NFAT5: variants seen among roughly 807,000 people sequenced by gnomAD.
NFAT5 encodes the protein nuclear factor of activated T-cells 5.
In NFAT5, 31 loss-of-function variants were observed where a neutral mutation model predicts 166.5. The observed-to-expected ratio is 0.19, with a 90% CI of 0.14 to 0.25. The LOEUF is 0.25. Among genes scored for constraint, NFAT5 ranks in the 10% least tolerant of loss-of-function variants. The probability of loss-of-function intolerance (pLI) is 1.00; values close to 1 mark genes in which losing one functional copy is unlikely to be tolerated. For synonymous variants in NFAT5, 612 were observed against 639.7 expected, an observed-to-expected ratio of 0.96 and a Z score of 0.65; for missense variants, 1,449 against 1,821.8, an observed-to-expected ratio of 0.80 and a Z score of 3.72.
intron 2 of NFAT5, among the ~76,000 whole-genome samples, chr16:69,580,767 G>A (rs376231684): frequency 7.3e-5 from 11 of 151,682 alleles, no homozygotes; most frequent in Non-Finnish European, 2.9e-5. Context: ...GCCATTCTCC[G>A]GCCTCAGCCT....
chr16:69,617,645 C>T (rs2034015582), intron 2 of NFAT5, among the ~76,000 whole-genome samples: 2 of 151,878 alleles, frequency 1.3e-5, no homozygotes, highest in Admixed American at 1.3e-4. Context: ...CTTGCACCAC[C>T]TCACCTGGCT....
intron 1 of NFAT5, 32 bp from the exon 2 acceptor site, chr16:69,568,463 A>G (rs1567505789): frequency 1.2e-6 from 2 of 1,604,602 alleles, no homozygotes; most frequent in Non-Finnish European, 1.7e-6. Context: ...CATTCAGCAT[A>G]AAAAGTACCT....
chr16:69,571,319 A>G (rs2016425387), intron 2 of NFAT5, among the ~76,000 whole-genome samples: 2 of 151,566 alleles, frequency 1.3e-5, no homozygotes, highest in African/African-American at 4.9e-5. Context: ...AACAACAACA[A>G]ACAAACAAAC....
chr16:69,648,120 G>A (rs2035519430), intron 4 of NFAT5: 1 of 633,376 alleles, frequency 1.6e-6, no homozygotes, highest in African/African-American at 2.0e-5. Context: ...AGGTTGCAGT[G>A]AGCCGACATC....
At chr16:69,612,305 A>C (rs1266394954) in intron 2 of NFAT5, among the ~76,000 whole-genome samples, 1 of 152,232 alleles carries the variant, frequency 6.6e-6, no homozygotes, top group African/African-American at 2.4e-5. Flanking sequence ...TAGGAAATAG[A>C]TACAAAGATG....
chr16:69,685,174 A>T (rs1199461157), intron 11 of NFAT5: 1 of 116,280 alleles, frequency 8.6e-6, no homozygotes, highest in Non-Finnish European at 1.7e-5. Context: ...ATGTTTTTAT[A>T]TATATATATA....
At chr16:69,602,587 T>TC (rs748890329) in intron 2 of NFAT5, among the ~76,000 whole-genome samples, 34 of 148,646 alleles carry the variant, frequency 2.3e-4, no homozygotes, top group Non-Finnish European at 4.3e-4. Context: ...TTTCTTTCTT[T>TC]TTTTTTTTTT....
intron 7 of NFAT5, among the ~76,000 whole-genome samples, chr16:69,662,125 A>G (rs978118522): frequency 3.9e-5 from 6 of 152,194 alleles, no homozygotes; most frequent in African/African-American, 1.4e-4. Flanking sequence ...TAAAGATACT[A>G]TACTGCACAG....
intron 4 of NFAT5, chr16:69,648,555 A>T: frequency 5.1e-6 from 5 of 985,064 alleles, no homozygotes; most frequent in Non-Finnish European, 6.0e-6. Context: ...CATCTCTGCC[A>T]GTCACACTAC....
At chr16:69,671,845 G>A (rs2151674904) in intron 9 of NFAT5, among the ~76,000 whole-genome samples, 1 of 152,242 alleles carries the variant, frequency 6.6e-6, no homozygotes, top group South Asian at 2.1e-4. Context: ...TACCAAGCAG[G>A]GAAGCTCACC....
chr16:69,662,661 C>T (rs1207346882), intron 7 of NFAT5, among the ~76,000 whole-genome samples: 3 of 151,916 alleles, frequency 2.0e-5, no homozygotes, highest in African/African-American at 7.3e-5. Context: ...GGGGTTTCAC[C>T]GTGTTAGCCA....
At chr16:69,678,086 A>G (rs111506642) in intron 10 of NFAT5, among the ~76,000 whole-genome samples, 21 of 151,888 alleles carry the variant, frequency 1.4e-4, no homozygotes, top group African/African-American at 4.8e-4. Context: ...TGAACCTGGG[A>G]GGTACAGGTT....
intron 9 of NFAT5, among the ~76,000 whole-genome samples, chr16:69,674,223 A>G (rs1195070626): frequency 6.6e-6 from 1 of 150,462 alleles, no homozygotes; most frequent in Non-Finnish European, 1.5e-5. Context: ...AGCCTGGGCA[A>G]CAAGAGTGAA....
intron 2 of NFAT5, among the ~76,000 whole-genome samples, chr16:69,579,134 A>G (rs976507509): frequency 6.6e-6 from 1 of 152,124 alleles, no homozygotes; most frequent in African/African-American, 2.4e-5. Flanking sequence ...TCAGCCTCCC[A>G]AAGTACTGGG....
chr16:69,566,318 T>C lies in NFAT5; in HGVS notation c.17T>C (p.Ile6Thr). The change falls in exon 1 of 15, where the codon ATC (isoleucine) becomes ACC (threonine). Residue 6 changes from isoleucine (I) to threonine (T), a missense_variant. Ile to Thr is a moderately conservative substitution (Grantham distance 89, BLOSUM62 -1). Transcript: ENST00000349945. This position sits in a 1 kb window ranked among gnomAD's most constrained non-coding sequence, Gnocchi z 5.7. MPSDFISLLSADLDLE... is the reference protein window; with the variant it reads MPSDFTSLLSADLDLE... Reference sequence around the variant, plus strand: ...CGAGCTGCGATGCCCTCGGACTTCATCTCATTGCTCAGCGCGGACCTAGAC... The same window carrying C: ...CGAGCTGCGATGCCCTCGGACTTCACCTCATTGCTCAGCGCGGACCTAGAC... 6.2e-7 allele frequency: 1 copy of C among 1,607,278 alleles called. No homozygotes were observed. The highest frequency in any genetic ancestry group is 8.5e-7 in the Non-Finnish European group (1 of 1,177,866).
rs2035744787 is a variant in NFAT5, at chr16:69,653,158, CCTTT to C, written c.813-77_813-74del. On this transcript the variant is annotated intron_variant, in intron 4 of 14. Coordinates refer to ENST00000349945, the MANE Select transcript of NFAT5 (RefSeq NM_138713.4). ...ACTATTATTGCCAGTTCTGTTTCTT[CCTTT>C]GTCTTAATGGCTTTTTTTTTTTATC... 5 of 1,012,330 alleles carry C rather than the reference CCTTT, an allele frequency of 4.9e-6. No individual in the cohort carries two copies. In the Admixed American group the frequency reaches 1.3e-4, roughly 26 times the overall value. The allele number at this position is 1,012,330 out of a possible 1,614,324, so 62.7% of individuals were successfully genotyped here. A position where few individuals can be genotyped will look rare whatever the true frequency, so the allele number is the denominator to read the frequency against.
intron 5 of NFAT5, among the ~76,000 whole-genome samples, chr16:69,655,319 G>A (rs1224735187): frequency 6.6e-6 from 1 of 152,028 alleles, no homozygotes; most frequent in Non-Finnish European, 1.5e-5. Flanking sequence ...CTGAAGTACT[G>A]TGCATTCATT....
chr16:69,663,191 T>C (rs2036223455), intron 7 of NFAT5, among the ~76,000 whole-genome samples: 1 of 152,156 alleles, frequency 6.6e-6, no homozygotes, highest in Non-Finnish European at 1.5e-5. Flanking sequence ...CTTCCTTCTA[T>C]AGATACTCAG....
At chr16:69,636,431 T>G (rs2034970858) in intron 3 of NFAT5, among the ~76,000 whole-genome samples, 1 of 152,194 alleles carries the variant, frequency 6.6e-6, no homozygotes, top group Non-Finnish European at 1.5e-5. Flanking sequence ...GGACTCTGTG[T>G]GGGGTCTCCA....
Sources: allele counts gnomAD v4.1 joint callset (sites outside exome capture counted in the v4.1 genomes callset), GRCh38; gene constraint gnomAD v4.1.1; non-coding constraint Gnocchi (gnomAD v3.1); transcripts MANE v1.5; gene names NCBI Gene and HGNC (gene_info 2026-07-23, HGNC 2026-07-21).